RBFOX1: variants seen among roughly 807,000 people sequenced by gnomAD.
RBFOX1 encodes the protein RNA binding protein fox-1 homolog 1.
Under a neutral mutation model 57.7 loss-of-function variants are expected in RBFOX1, and 8 were observed. The observed-to-expected ratio is 0.14, with a 90% CI of 0.08 to 0.25. The LOEUF is 0.25. RBFOX1 is among the 10% of genes least tolerant of loss of function. The pLI is 1.00. For synonymous variants in RBFOX1, 326 were observed against 222.4 expected, an observed-to-expected ratio of 1.47 and a Z score of -4.15; for missense variants, 611 against 548.5, an observed-to-expected ratio of 1.11 and a Z score of -1.14.
intron 3 of RBFOX1, among the ~76,000 whole-genome samples, chr16:6,759,495 G>C (rs930045901): frequency 1.1e-4 from 17 of 149,568 alleles, no homozygotes; most frequent in Non-Finnish European, 1.2e-4. Context: ...GTGTGTGTGT[G>C]TGTGTGTGTG....
At chr16:5,727,243 G>A (rs2052186160) in intron 3 of RBFOX1, among the ~76,000 whole-genome samples, 2 of 151,538 alleles carry the variant, frequency 1.3e-5, no homozygotes, top group Admixed American at 6.5e-5. Context: ...CTGCACTCCA[G>A]CCTGGGCAAC....
chr16:6,724,647 T>A (rs1171857455), intron 3 of RBFOX1, among the ~76,000 whole-genome samples: 1 of 152,220 alleles, frequency 6.6e-6, no homozygotes, highest in Non-Finnish European at 1.5e-5. Flanking sequence ...TGGAATTTTG[T>A]TATAGCAGCC....
At chr16:6,567,215 A>G (rs372264959) in intron 2 of RBFOX1, among the ~76,000 whole-genome samples, 3 of 152,190 alleles carry the variant, frequency 2.0e-5, no homozygotes, top group South Asian at 2.1e-4. Context: ...ATGGGGAATG[A>G]TGAATAGCAG....
intron 4 of RBFOX1, among the ~76,000 whole-genome samples, chr16:7,202,129 C>G (rs1303960228): frequency 6.6e-6 from 1 of 150,670 alleles, no homozygotes; most frequent in Non-Finnish European, 1.5e-5. Context: ...GCAATATAAA[C>G]AACTTGATTA....
intron 2 of RBFOX1, among the ~76,000 whole-genome samples, chr16:6,468,399 T>C (rs959104965): frequency 2.0e-5 from 3 of 152,172 alleles, no homozygotes; most frequent in Non-Finnish European, 4.4e-5. Context: ...ATATCTTTTA[T>C]AAGCCCCGCA....
chr16:5,270,520 A>G, intron 1 of RBFOX1: 1 of 635,044 alleles, frequency 1.6e-6, no homozygotes, highest in Admixed American at 2.1e-5. Context: ...TGGTTGAAAA[A>G]TGTTCAACAA....
At chr16:6,632,728 T>C (rs1230027408) in intron 2 of RBFOX1, among the ~76,000 whole-genome samples, 1 of 152,214 alleles carries the variant, frequency 6.6e-6, no homozygotes, top group Non-Finnish European at 1.5e-5. Context: ...CTGGAATTTA[T>C]TGATAAAGCT....
At chr16:5,757,735 T>C (rs1177754843) in intron 3 of RBFOX1, among the ~76,000 whole-genome samples, 1 of 152,192 alleles carries the variant, frequency 6.6e-6, no homozygotes, top group East Asian at 1.9e-4. Flanking sequence ...TCATCCCCAC[T>C]TCACAGATGT....
chr16:5,778,541 T>G (rs1301006611), intron 3 of RBFOX1, among the ~76,000 whole-genome samples: 2 of 152,210 alleles, frequency 1.3e-5, no homozygotes, highest in Non-Finnish European at 2.9e-5. Context: ...CCACAGTGCC[T>G]GCTGGTTCAA....
At chr16:7,281,296 C>T (rs939346730) in intron 4 of RBFOX1, among the ~76,000 whole-genome samples, 4 of 151,722 alleles carry the variant, frequency 2.6e-5, no homozygotes, top group African/African-American at 9.7e-5. Context: ...AGCCACCGTG[C>T]CCAGTGCAAT....
intron 3 of RBFOX1, among the ~76,000 whole-genome samples, chr16:6,749,334 A>C (rs2074440001): frequency 1.3e-5 from 2 of 152,296 alleles, no homozygotes; most frequent in South Asian, 4.1e-4. Context: ...GACGCATTCC[A>C]CACAGCGCCT....
chr16:6,465,248 T>TAA (rs2095019374), intron 2 of RBFOX1, among the ~76,000 whole-genome samples: 1 of 152,008 alleles, frequency 6.6e-6, no homozygotes, highest in Non-Finnish European at 1.5e-5. Context: ...AAGAAAGTGG[T>TAA]GGAGTGAGGT....
intron 4 of RBFOX1, among the ~76,000 whole-genome samples, chr16:7,214,782 C>G (rs1173293056): frequency 6.6e-6 from 1 of 152,094 alleles, no homozygotes; most frequent in Admixed American, 6.5e-5. Context: ...CAATCTCACC[C>G]CTGCAAAATG....
intron 3 of RBFOX1, among the ~76,000 whole-genome samples, chr16:6,941,379 G>A (rs1456411062): frequency 6.9e-6 from 1 of 144,408 alleles, no homozygotes; most frequent in Non-Finnish European, 1.5e-5. Context: ...CCAGCAAGTA[G>A]ATTAGCCGTG....
chr16:7,247,204 T>A (rs563680402), intron 4 of RBFOX1, among the ~76,000 whole-genome samples: 1 of 152,256 alleles, frequency 6.6e-6, no homozygotes, highest in Non-Finnish European at 1.5e-5. Context: ...TCAGAAATGT[T>A]CTCTTGGTGA....
intron 4 of RBFOX1, among the ~76,000 whole-genome samples, chr16:5,986,567 A>G (rs1055880270): frequency 6.6e-6 from 1 of 152,176 alleles, no homozygotes; most frequent in Non-Finnish European, 1.5e-5. Context: ...GTCACGTGTT[A>G]CCACTGATTC....
At chr16:6,787,887 T>G (rs553573017) in intron 3 of RBFOX1, among the ~76,000 whole-genome samples, 2 of 152,272 alleles carry the variant, frequency 1.3e-5, no homozygotes, top group East Asian at 3.9e-4. Context: ...AGAGAGAAGT[T>G]TTAATATTAA....
At chr16:7,018,164 A>T (rs939012341) in intron 3 of RBFOX1, among the ~76,000 whole-genome samples, 1 of 152,046 alleles carries the variant, frequency 6.6e-6, no homozygotes, top group Non-Finnish European at 1.5e-5. Context: ...CCCTTGCTGA[A>T]TTTCCACGAG....
At chr16:7,387,689 G>A (rs1372599419) in intron 4 of RBFOX1, among the ~76,000 whole-genome samples, 1 of 152,160 alleles carries the variant, frequency 6.6e-6, no homozygotes, top group Non-Finnish European at 1.5e-5. Context: ...CATTAGGAGT[G>A]GTGTCGGTGG....
Sources: allele counts gnomAD v4.1 joint callset (sites outside exome capture counted in the v4.1 genomes callset), GRCh38; gene constraint gnomAD v4.1.1; transcripts MANE v1.5; gene names NCBI Gene and HGNC (gene_info 2026-07-23, HGNC 2026-07-21).